DTD1: variants seen among roughly 807,000 people sequenced by gnomAD.
The protein encoded by DTD1 is D-aminoacyl-tRNA deacylase 1.
In DTD1, 13 loss-of-function variants were observed where a neutral mutation model predicts 25.6. The observed-to-expected ratio is 0.51, with a 90% CI of 0.33 to 0.81. DTD1 has a LOEUF of 0.81. Ranked by LOEUF, DTD1 falls within the 30% of genes least tolerant of loss-of-function variation. The probability of loss-of-function intolerance (pLI) is 0.02; values close to 1 mark genes in which losing one functional copy is unlikely to be tolerated. For synonymous variants in DTD1, 110 were observed against 103.6 expected, an observed-to-expected ratio of 1.06 and a Z score of -0.37; for missense variants, 193 against 266.4, an observed-to-expected ratio of 0.72 and a Z score of 1.92.
chr20:18,738,118 C>T (rs912446359), intron 4 of DTD1, among the ~76,000 whole-genome samples: 4 of 152,176 alleles, frequency 2.6e-5, no homozygotes, highest in Non-Finnish European at 4.4e-5. Flanking sequence ...TCTGCTGTGT[C>T]CTTGGCACCT....
rs562014137 is a variant in DTD1 at position 18,593,930 on chromosome 20, C to T, written c.134+109C>T. The T allele has an allele frequency of 7.7e-6, 6 of 777,636 alleles. No homozygotes were observed. The South Asian group carries it at 9.0e-5, about 12-fold the overall frequency. 48.2% of individuals were successfully genotyped at this position (777,636 alleles called of 1,614,324 possible). A position where few individuals can be genotyped will look rare whatever the true frequency, so the allele number is the denominator to read the frequency against. On this transcript the variant is annotated intron_variant, in intron 2 of 5. Transcript: ENST00000377452. ...TGAGGTGAGCCCCTGTCACTTTTAA[C>T]CATTGTCCCATTGGATGTAGTATGG...
chr20:18,590,537 C>A (rs1457678606), intron 1 of DTD1, among the ~76,000 whole-genome samples: 1 of 152,172 alleles, frequency 6.6e-6, no homozygotes, highest in East Asian at 1.9e-4. Context: ...GTGGTGCCAT[C>A]TCTGATCACT....
At chr20:18,649,242 G>C (rs1422121409) in intron 4 of DTD1, among the ~76,000 whole-genome samples, 1 of 148,514 alleles carries the variant, frequency 6.7e-6, no homozygotes, top group African/African-American at 2.5e-5. Context: ...TTCTGAGTCA[G>C]TATGTCCAGG....
rs1568677053 is a variant in DTD1, at chr20:18,708,311, ATATATATATTAT to A, written c.478-35788_478-35777del. On this transcript the variant is annotated intron_variant, in intron 4 of 5. Coordinates refer to ENST00000377452, the MANE Select transcript of DTD1 (RefSeq NM_080820.6). ...TATATATATATAATATATATATTTTATATATATATTATATATATATATTTTATATATATATTA... is the reference window on the plus strand; with the variant it reads ...TATATATATATAATATATATATTTTAATATATATATTTTATATATATATTA... 5.0e-3 allele frequency among the ~76,000 whole-genome samples: 274 copies of A among 55,112 alleles called. 5 individuals are homozygous for A. Among genetic ancestry groups the A allele is most frequent in the African/African-American group, 0.01 (151 of 14,434 alleles). 36.2% of individuals were successfully genotyped at this position (55,112 alleles called of 152,430 possible).
At chr20:18,633,590 A>G (rs1028371777) in intron 4 of DTD1, among the ~76,000 whole-genome samples, 2 of 152,166 alleles carry the variant, frequency 1.3e-5, no homozygotes, top group African/African-American at 2.4e-5. Context: ...TGTGGTGTCT[A>G]TGAATGTCCT....
At chr20:18,754,444 C>T (rs2061331539) in intron 5 of DTD1, among the ~76,000 whole-genome samples, 1 of 152,226 alleles carries the variant, frequency 6.6e-6, no homozygotes. Flanking sequence ...TGTCTGCCCT[C>T]AGTAGCTCAT....
Position 18,595,992 on chromosome 20 carries a change from C to G in DTD1, c.135-14C>G. The G allele has an allele frequency of 6.2e-7, 1 of 1,612,586 alleles. No individual in the cohort carries two copies. Among genetic ancestry groups the G allele is most frequent in the South Asian group, 1.1e-5 (1 of 91,044 alleles). ...GATCTCTCAGGTAGCTCTCACTGCT[C>G]TTTTTCCCCTTAGGGTCCGAAAGAT... On this transcript the variant is annotated splice_polypyrimidine_tract_variant and intron_variant, in intron 2 of 5. Transcript: ENST00000377452.
intron 4 of DTD1, chr20:18,631,921 TCAAAGGGTA>T (rs1444707761): frequency 1.0e-6 from 1 of 981,892 alleles, no homozygotes; most frequent in African/African-American, 1.8e-5. Flanking sequence ...CTTGTTTAGG[TCAAAGGGTA>T]CAAAGATGCA....
chr20:18,707,009 C>T (rs757750982), intron 4 of DTD1, among the ~76,000 whole-genome samples: 2 of 152,186 alleles, frequency 1.3e-5, no homozygotes, highest in African/African-American at 4.8e-5. Context: ...GTGTGAGCCT[C>T]GGCCTGAGCA....
At chr20:18,644,757 A>G (rs573384645) in intron 4 of DTD1, among the ~76,000 whole-genome samples, 5 of 152,290 alleles carry the variant, frequency 3.3e-5, no homozygotes, top group African/African-American at 1.2e-4. Context: ...GATAGATTTG[A>G]GATAAATCAG....
In DTD1 at chr20:18,649,287, G is replaced by A. The variant is rs547463795; in HGVS notation, c.477+21054G>A. Among the ~76,000 whole-genome samples, 45 of 143,814 alleles carry A rather than the reference G, an allele frequency of 3.1e-4. No individual in the cohort carries two copies. The South Asian group carries it at 9.6e-3, about 31-fold the overall frequency. 94.3% of individuals were successfully genotyped at this position (143,814 alleles called of 152,430 possible). ...GGCTAACACAAGACAAGACTCGAGCGAGAAAGACTCTGATGGGCTTTCTCA... is the reference window on the plus strand; with the variant it reads ...GGCTAACACAAGACAAGACTCGAGCAAGAAAGACTCTGATGGGCTTTCTCA... On this transcript the variant is annotated intron_variant, in intron 4 of 5. Coordinates refer to ENST00000377452, the MANE Select transcript of DTD1 (RefSeq NM_080820.6).
chr20:18,741,981 G>A (rs868395838), intron 4 of DTD1, among the ~76,000 whole-genome samples: 12 of 148,164 alleles, frequency 8.1e-5, no homozygotes, highest in Admixed American at 4.1e-4. Context: ...CCAAGCAGTC[G>A]CCCACCTTGG....
chr20:18,683,206 T>C (rs2061004058), intron 4 of DTD1, among the ~76,000 whole-genome samples: 1 of 152,180 alleles, frequency 6.6e-6, no homozygotes. Flanking sequence ...CTGGCAGCTT[T>C]TCAGGTGGTT....
chr20:18,606,853 A>G (rs939365702), intron 3 of DTD1, among the ~76,000 whole-genome samples: 1 of 149,956 alleles, frequency 6.7e-6, no homozygotes, highest in South Asian at 2.1e-4. Flanking sequence ...GGTGTAGCGC[A>G]CCAGCATGGC....
intron 5 of DTD1, among the ~76,000 whole-genome samples, chr20:18,755,034 G>T (rs989039873): frequency 1.3e-5 from 2 of 152,164 alleles, no homozygotes; most frequent in African/African-American, 4.8e-5. Context: ...TTATGCCTAG[G>T]AAGTTTACCT....
intron 5 of DTD1, among the ~76,000 whole-genome samples, chr20:18,754,540 A>G (rs1365435895): frequency 1.3e-5 from 2 of 152,188 alleles, no homozygotes; most frequent in Non-Finnish European, 2.9e-5. Flanking sequence ...GGGTTTCTGA[A>G]TTTCAAGCCT....
At chr20:18,606,174 A>T (rs1442859817) in intron 3 of DTD1, among the ~76,000 whole-genome samples, 6 of 150,426 alleles carry the variant, frequency 4.0e-5, no homozygotes, top group South Asian at 2.1e-4. Context: ...AACACATGAA[A>T]AAATGCTCAT....
chr20:18,683,615 CCTAT>C (rs2061005518), intron 4 of DTD1, among the ~76,000 whole-genome samples: 3 of 152,280 alleles, frequency 2.0e-5, no homozygotes, highest in Admixed American at 1.3e-4. Flanking sequence ...CTTCCAAAGT[CCTAT>C]CTGAGTGTGG....
In DTD1 at chr20:18,713,998, C is replaced by T. The variant is rs368529723; in HGVS notation, c.478-30102C>T. Among the ~76,000 whole-genome samples the T allele has an allele frequency of 9.8e-5, 15 of 152,302 alleles. No homozygotes were observed. The East Asian group carries it at 2.9e-3, about 29-fold the overall frequency. ...GAGGAGCCCTGACCTCCAGCCTGCACTCCACCGTCTCCTGGAGATGTGACC... is the reference window on the plus strand; with the variant it reads ...GAGGAGCCCTGACCTCCAGCCTGCATTCCACCGTCTCCTGGAGATGTGACC... On this transcript the variant is annotated intron_variant, in intron 4 of 5. Transcript: ENST00000377452.
Sources: gnomAD v4.1 joint callset for allele counts (sites outside exome capture counted in the v4.1 genomes callset) on GRCh38, gnomAD v4.1.1 for gene constraint, MANE v1.5 for transcripts, NCBI Gene and HGNC (gene_info 2026-07-23, HGNC 2026-07-21) for gene names.